The following UGT1A6 variants were observed in gnomAD, a reference collection of about 807,000 sequenced individuals.
The protein encoded by UGT1A6 is UDP-glucuronosyltransferase 1A6.
A neutral mutation model predicts 44.4 loss-of-function variants in UGT1A6; 32 were observed. That is an observed-to-expected ratio of 0.72 (90% CI 0.54 to 0.97). The LOEUF is 0.97. Ranked by LOEUF, UGT1A6 falls within the 50% of genes least tolerant of loss-of-function variation. UGT1A6 has a pLI of 0.00. For synonymous variants in UGT1A6, 238 were observed against 248.5 expected, an observed-to-expected ratio of 0.96 and a Z score of 0.40; for missense variants, 685 against 661.9, an observed-to-expected ratio of 1.03 and a Z score of -0.38.
At chr2:233,748,883 A>T (rs1047977403) in intron 1 of UGT1A6, among the ~76,000 whole-genome samples, 3 of 151,568 alleles carry the variant, frequency 2.0e-5, no homozygotes, top group African/African-American at 7.3e-5. Context: ...TGATGAATGG[A>T]CATGTGTCCA....
At chr2:233,763,341 T>G (rs1156611161) in intron 1 of UGT1A6, among the ~76,000 whole-genome samples, 1 of 152,260 alleles carries the variant, frequency 6.6e-6, no homozygotes, top group Admixed American at 6.5e-5. Context: ...TACATTTCCC[T>G]AGCACATCTT....
At chr2:233,761,033 G>T (rs774774935) in intron 1 of UGT1A6, 1 of 1,614,186 alleles carries the variant, frequency 6.2e-7, no homozygotes, top group South Asian at 1.1e-5. Context: ...GACCTATTGA[G>T]CTCTGCATCT....
chr2:233,744,926 T>C (rs1381342735), intron 1 of UGT1A6, among the ~76,000 whole-genome samples: 2 of 151,890 alleles, frequency 1.3e-5, no homozygotes, highest in East Asian at 1.9e-4. Context: ...GCTCCTTTTA[T>C]AAAATGACAC....
chr2:233,772,849 C>T lies in UGT1A6; in HGVS notation c.*290C>T, dbSNP rs1021003584. The T allele has an allele frequency of 7.7e-6, 6 of 777,596 alleles. No individual in the cohort carries two copies. In the African/African-American group the frequency reaches 8.9e-5, roughly 11 times the overall value. 48.2% of individuals were successfully genotyped at this position (777,596 alleles called of 1,614,324 possible). On this transcript the variant is annotated 3_prime_UTR_variant, in exon 5 of 5. Transcript: ENST00000305139. ...CTGGCATTCTAGATTACTTTTCTTACTCTGAAACATGGCCTGTTTGGGAGT... is the reference window on the plus strand; with the variant it reads ...CTGGCATTCTAGATTACTTTTCTTATTCTGAAACATGGCCTGTTTGGGAGT...
At chr2:233,762,352 C>T (rs1368513264) in intron 1 of UGT1A6, among the ~76,000 whole-genome samples, 3 of 152,200 alleles carry the variant, frequency 2.0e-5, no homozygotes, top group South Asian at 2.1e-4. Flanking sequence ...GTTCTTTGTA[C>T]TCCAGCTATT....
chr2:233,746,374 T>C (rs1378448222), intron 1 of UGT1A6, among the ~76,000 whole-genome samples: 2 of 151,774 alleles, frequency 1.3e-5, no homozygotes, highest in African/African-American at 4.9e-5. Flanking sequence ...AGTCCCTTCA[T>C]TCTGATTTGA....
chr2:233,720,871 A>ATT (rs60621337), intron 1 of UGT1A6, among the ~76,000 whole-genome samples: 47,878 of 132,580 alleles, frequency 0.36, 9,921 homozygotes, highest in African/African-American at 0.57. Context: ...GCTCCTGGCA[A>ATT]TTTTTTTTTT....
At chr2:233,696,147 G>T (rs933001252) in intron 1 of UGT1A6, among the ~76,000 whole-genome samples, 1 of 152,112 alleles carries the variant, frequency 6.6e-6, no homozygotes, top group Non-Finnish European at 1.5e-5. Context: ...CCATTGCTGG[G>T]TATATATCCA....
At chr2:233,767,269 G>C (rs1288837009) in intron 2 of UGT1A6, 104 bp downstream of exon 2, 10 of 1,582,566 alleles carry the variant, frequency 6.3e-6, no homozygotes, top group Non-Finnish European at 8.5e-7. Flanking sequence ...CTTAGATTTG[G>C]CTTTTCCCTG....
intron 1 of UGT1A6, among the ~76,000 whole-genome samples, chr2:233,717,043 C>A (rs2076542860): frequency 6.6e-6 from 1 of 152,158 alleles, no homozygotes; most frequent in Non-Finnish European, 1.5e-5. Context: ...ATACATGGGC[C>A]TCCGCAGGGT....
intron 1 of UGT1A6, among the ~76,000 whole-genome samples, chr2:233,724,884 G>A (rs1223856006): frequency 8.2e-5 from 11 of 134,350 alleles, no homozygotes; most frequent in Admixed American, 1.5e-4. Context: ...CGGAGATCAC[G>A]CCACTGCACT....
intron 1 of UGT1A6, chr2:233,718,939 C>A (rs149017068): frequency 2.6e-4 from 420 of 1,614,132 alleles, no homozygotes; most frequent in Non-Finnish European, 3.2e-4. Context: ...GATGGCAGCC[C>A]CTGGCTCAGC....
At chr2:233,711,337 G>C (rs1160306981) in intron 1 of UGT1A6, among the ~76,000 whole-genome samples, 1 of 152,226 alleles carries the variant, frequency 6.6e-6, no homozygotes, top group African/African-American at 2.4e-5. Flanking sequence ...CCACTGCATG[G>C]AGATAGAACA....
rs573640732 is a variant in UGT1A6, at chr2:233,742,006, C to A, written c.862-25028C>A. On this transcript the variant is annotated intron_variant, in intron 1 of 4. Coordinates refer to ENST00000305139, the MANE Select transcript of UGT1A6 (RefSeq NM_001072.4). The stretch of plus-strand genomic sequence containing the variant: ...CAAAAAATATTACAGATACACTTGG[C>A]TTTCATCAACCTAATTTGATATGTC... 5 of 152,014 alleles carry A rather than the reference C, an allele frequency of 3.3e-5. No individual in the cohort carries two copies. The South Asian group carries it at 8.3e-4, about 25-fold the overall frequency. 9.4% of individuals were successfully genotyped at this position (152,014 alleles called of 1,614,324 possible).
rs1575845163 is a variant in UGT1A6, at chr2:233,769,671, ATG to A, written c.1301+1241_1301+1242del. 2.5e-6 allele frequency: 4 copies of A among 1,588,796 alleles called. No homozygotes were observed. The highest frequency in any genetic ancestry group is 4.5e-5 in the East Asian group (2 of 44,092). On this transcript the variant is annotated intron_variant, in intron 4 of 4. Coordinates refer to ENST00000305139, the MANE Select transcript of UGT1A6 (RefSeq NM_001072.4). This position sits in a 1 kb window ranked among gnomAD's most constrained non-coding sequence, Gnocchi z 4.4. ...CTGACTTCCCACCTTTGAGGTGCTA[ATG>A]TGTGTGTGGTGGCACTGGATAAAAG...
In UGT1A6 at chr2:233,769,373, C is replaced by T. The variant is rs1030548501; in HGVS notation, c.1301+934C>T. On this transcript the variant is annotated intron_variant, in intron 4 of 4. Coordinates refer to ENST00000305139, the MANE Select transcript of UGT1A6 (RefSeq NM_001072.4). The surrounding 1 kb of genome is among the most constrained non-coding windows in gnomAD (Gnocchi z 4.4). The stretch of plus-strand genomic sequence containing the variant: ...AGAAGTGGTGGCCAGTGGTAGATTT[C>T]ATCCGACAATAGATACTGTGTGCAT... Among the ~76,000 whole-genome samples, 1 of 152,206 alleles carries T rather than the reference C, an allele frequency of 6.6e-6. No individual in the cohort carries two copies. The highest frequency in any genetic ancestry group is 2.4e-5 in the African/African-American group (1 of 41,452).
At chr2:233,757,130 G>A (rs368401609) in intron 1 of UGT1A6, among the ~76,000 whole-genome samples, 1 of 151,410 alleles carries the variant, frequency 6.6e-6, no homozygotes, top group African/African-American at 2.4e-5. Context: ...GAGGAGGAAT[G>A]AGCTTGGACA....
At chr2:233,719,170 T>C (rs2076733024) in intron 1 of UGT1A6, 8 of 1,614,246 alleles carry the variant, frequency 5.0e-6, no homozygotes, top group Non-Finnish European at 5.9e-6. Flanking sequence ...ATGGCAATTA[T>C]GAACAATGTA....
chr2:233,762,317 G>A (rs1012731348), intron 1 of UGT1A6, among the ~76,000 whole-genome samples: 5 of 152,210 alleles, frequency 3.3e-5, no homozygotes, highest in African/African-American at 1.2e-4. Flanking sequence ...AATGGGTCGA[G>A]AGTAATCCAC....
Sources: gnomAD v4.1 joint callset for allele counts (sites outside exome capture counted in the v4.1 genomes callset) on GRCh38, gnomAD v4.1.1 for gene constraint, Gnocchi (gnomAD v3.1) non-coding constraint, MANE v1.5 for transcripts, NCBI Gene and HGNC (gene_info 2026-07-23, HGNC 2026-07-21) for gene names.